Variants in BTRC observed in about 807,000 individuals in gnomAD.
BTRC encodes F-box/WD repeat-containing protein 1A.
BTRC carries 42 observed loss-of-function variants against 85.5 expected under a neutral mutation model. The observed-to-expected ratio is 0.49, with a 90% CI of 0.38 to 0.64. BTRC has a LOEUF of 0.64. Ranked by LOEUF, BTRC falls within the 30% of genes least tolerant of loss-of-function variation. BTRC has a pLI of 0.00. For missense variants in BTRC, 594 were observed against 743.5 expected, an observed-to-expected ratio of 0.80 and a Z score of 2.34; for synonymous variants, 255 against 263.3, an observed-to-expected ratio of 0.97 and a Z score of 0.30.
chr10:101,419,755 G>A (rs894369752), intron 1 of BTRC, among the ~76,000 whole-genome samples: 2 of 152,102 alleles, frequency 1.3e-5, no homozygotes, highest in African/African-American at 2.4e-5. Context: ...GCCTGCTACC[G>A]TTATCCATTA....
intron 1 of BTRC, among the ~76,000 whole-genome samples, chr10:101,387,768 C>A (rs11190980): frequency 0.027 from 4,058 of 151,810 alleles, 192 homozygotes; most frequent in African/African-American, 0.09. Context: ...CTGCTTACTG[C>A]AAACTCTGCC....
chr10:101,509,242 G>C (rs898806143), intron 4 of BTRC, among the ~76,000 whole-genome samples: 1 of 118,246 alleles, frequency 8.5e-6, no homozygotes, highest in Non-Finnish European at 1.7e-5. Flanking sequence ...TGGCAATGTG[G>C]ATTTTTTTTT....
intron 1 of BTRC, among the ~76,000 whole-genome samples, chr10:101,375,779 C>A (rs945841102): frequency 6.6e-6 from 1 of 152,184 alleles, no homozygotes; most frequent in Non-Finnish European, 1.5e-5. Context: ...AGTACAGATT[C>A]TTAGTTCTTT....
At chr10:101,388,175 T>A (rs1377809542) in intron 1 of BTRC, among the ~76,000 whole-genome samples, 1 of 152,092 alleles carries the variant, frequency 6.6e-6, no homozygotes, top group Non-Finnish European at 1.5e-5. Flanking sequence ...TCTTTTGTTT[T>A]GTTTAGAGGA....
intron 1 of BTRC, among the ~76,000 whole-genome samples, chr10:101,384,183 A>G (rs905320549): frequency 1.3e-5 from 2 of 152,262 alleles, no homozygotes; most frequent in African/African-American, 4.8e-5. Context: ...CTGTGCAATT[A>G]GTAAAGCAAG....
rs1327316508 is a variant in BTRC at position 101,430,389 on chromosome 10, G to A, written c.93G>A (p.Ala31=). 1.2e-6 allele frequency: 2 copies of A among 1,613,864 alleles called. No homozygotes were observed. The highest frequency in any genetic ancestry group is 1.7e-5 in the Admixed American group (1 of 59,968). The part of the protein sequence containing the change: ...RSLWLGCSSL[A]DSMPSLRCLY... ...TGTGGCTGGGCTGCTCCAGCCTGGC[G>A]GACAGCATGCCTTCGCTGCGATGCC... Residue 31 remains alanine (A), a synonymous_variant, in exon 2 of 15, where the codon GCG becomes GCA. Coordinates refer to ENST00000370187, the MANE Select transcript of BTRC (RefSeq NM_033637.4).
chr10:101,404,002 G>GTATATATATATATA (rs753639521), intron 1 of BTRC, among the ~76,000 whole-genome samples: 5 of 61,766 alleles, frequency 8.1e-5, no homozygotes, highest in African/African-American at 3.6e-4. Flanking sequence ...GTGTGTGTGT[G>GTATATATATATATA]TATATATATA....
At chr10:101,438,595 A>G (rs1339315025) in intron 2 of BTRC, among the ~76,000 whole-genome samples, 1 of 152,120 alleles carries the variant, frequency 6.6e-6, no homozygotes, top group Non-Finnish European at 1.5e-5. Flanking sequence ...GAAAGTACAT[A>G]ATTAGTTTTA....
At chr10:101,471,643 G>A (rs2134199051) in intron 3 of BTRC, among the ~76,000 whole-genome samples, 1 of 152,246 alleles carries the variant, frequency 6.6e-6, no homozygotes, top group South Asian at 2.1e-4. Context: ...AAAAGCACTT[G>A]TGTATAATCC....
At chr10:101,356,256 C>T (rs1482594061) in intron 1 of BTRC, among the ~76,000 whole-genome samples, 2 of 152,162 alleles carry the variant, frequency 1.3e-5, no homozygotes, top group South Asian at 2.1e-4. Flanking sequence ...ACCTTGGCCT[C>T]CCAAAGTGCT....
intron 4 of BTRC, among the ~76,000 whole-genome samples, chr10:101,520,625 G>A (rs11599636): frequency 0.26 from 40,043 of 152,034 alleles, 6,320 homozygotes; most frequent in South Asian, 0.4. Flanking sequence ...AATATTCATT[G>A]GTTTCTTTTC....
intron 3 of BTRC, among the ~76,000 whole-genome samples, chr10:101,466,951 A>T (rs1432810451): frequency 1.3e-5 from 2 of 152,216 alleles, no homozygotes; most frequent in East Asian, 3.8e-4. Context: ...TGGAAGTCTG[A>T]TGGGCATAGC....
chr10:101,464,075 A>G (rs1427509685), intron 3 of BTRC, among the ~76,000 whole-genome samples: 1 of 152,188 alleles, frequency 6.6e-6, no homozygotes, highest in African/African-American at 2.4e-5. Flanking sequence ...ACTGAATAAG[A>G]TAAATTGGGA....
intron 12 of BTRC, among the ~76,000 whole-genome samples, chr10:101,537,294 G>A (rs1284753011): frequency 6.6e-6 from 1 of 152,164 alleles, no homozygotes; most frequent in African/African-American, 2.4e-5. Context: ...TTGGGAGACC[G>A]AGACAGGTGG....
intron 1 of BTRC, among the ~76,000 whole-genome samples, chr10:101,374,333 ATG>A (rs1474111530): frequency 1.3e-5 from 2 of 152,052 alleles, no homozygotes; most frequent in Non-Finnish European, 2.9e-5. Flanking sequence ...GCATTTTTTC[ATG>A]TGTTTATTGC....
chr10:101,422,611 T>G (rs1013390659), intron 1 of BTRC, among the ~76,000 whole-genome samples: 2 of 152,250 alleles, frequency 1.3e-5, no homozygotes, highest in African/African-American at 4.8e-5. Flanking sequence ...GGTCTAACAT[T>G]TAAGTCTTTA....
In BTRC at chr10:101,462,017, C is replaced by G; in HGVS notation, c.193C>G (p.Pro65Ala). 6.2e-7 allele frequency: 1 copy of G among 1,612,110 alleles called. No individual in the cohort carries two copies. The highest frequency in any genetic ancestry group is 1.1e-5 in the South Asian group (1 of 90,966). Residue 65 changes from proline (P) to alanine (A), a missense_variant, in exon 3 of 15, where the codon CCC (proline) becomes GCC (alanine). By Grantham distance (27) the Pro-to-Ala change is conservative. This residue lies in a region of BTRC where 163 missense variants were observed against 180.5 expected (regional missense o/e 0.90). Coordinates refer to ENST00000370187, the MANE Select transcript of BTRC (RefSeq NM_033637.4). ...SEREDCNNGE[P>A]PRKIIPEKNS... Reference sequence around the variant, plus strand: ...GAGAGAAGACTGTAATAATGGCGAACCCCCTAGGAAGATAATACCAGAGAA... The same window carrying G: ...GAGAGAAGACTGTAATAATGGCGAAGCCCCTAGGAAGATAATACCAGAGAA...
At chr10:101,472,275 C>CTCTCTTCTCT (rs57342908) in intron 3 of BTRC, among the ~76,000 whole-genome samples, 9,519 of 114,260 alleles carry the variant, frequency 0.083, 584 homozygotes, top group East Asian at 0.12. Context: ...TTTTCTTTTC[C>CTCTCTTCTCT]TCTCTTCTCT....
intron 4 of BTRC, among the ~76,000 whole-genome samples, chr10:101,480,756 AATTT>A (rs1945812709): frequency 6.6e-6 from 1 of 152,214 alleles, no homozygotes; most frequent in Non-Finnish European, 1.5e-5. Flanking sequence ...GAAATATCAG[AATTT>A]ATTTAAAATT....
Sources: allele counts gnomAD v4.1 joint callset (sites outside exome capture counted in the v4.1 genomes callset), GRCh38; gene constraint gnomAD v4.1.1; regional missense constraint gnomAD v4.1.1; transcripts MANE v1.5; gene names NCBI Gene and HGNC (gene_info 2026-07-23, HGNC 2026-07-21).